Variants in ARMH4 observed in about 807,000 individuals in gnomAD.
The protein encoded by ARMH4 is armadillo-like helical domain-containing protein 4.
In ARMH4, 49 loss-of-function variants were observed where a neutral mutation model predicts 61.9. The observed-to-expected ratio is 0.79, with a 90% CI of 0.63 to 1.00. The LOEUF (loss-of-function observed/expected upper bound fraction) is 1.00, where lower values mean the gene tolerates loss of function less well. ARMH4 is among the 50% of genes least tolerant of loss of function. ARMH4 has a pLI of 0.00. For missense variants in ARMH4, 934 were observed against 930.0 expected, an observed-to-expected ratio of 1.00 and a Z score of -0.06; for synonymous variants, 368 against 341.5, an observed-to-expected ratio of 1.08 and a Z score of -0.85.
At chr14:58,061,673 G>T (rs982149014) in intron 5 of ARMH4, among the ~76,000 whole-genome samples, 2 of 152,284 alleles carry the variant, frequency 1.3e-5, no homozygotes, top group East Asian at 1.9e-4. Flanking sequence ...ATCGTGTGGG[G>T]TTTTTTGCAG....
In ARMH4 at chr14:58,073,625, A is replaced by T. The variant is rs527269166; in HGVS notation, c.2089+23099T>A. On this transcript the variant is annotated intron_variant, in intron 5 of 7. Coordinates refer to ENST00000267485, the MANE Select transcript of ARMH4 (RefSeq NM_001001872.4). ...AAAAAAAATAGTCTTCTAACCTTGCAATCTACTTTTAGACAGACTTTTTTG... is the reference window on the plus strand; with the variant it reads ...AAAAAAAATAGTCTTCTAACCTTGCTATCTACTTTTAGACAGACTTTTTTG... Among the ~76,000 whole-genome samples the T allele has an allele frequency of 2.0e-5, 3 of 152,364 alleles. No individual in the cohort carries two copies. In the South Asian group the frequency reaches 6.2e-4, roughly 32 times the overall value.
chr14:58,137,962 A>G, intron 2 of ARMH4, 28 bp downstream of exon 2: 1 of 1,565,874 alleles, frequency 6.4e-7, no homozygotes, highest in African/African-American at 1.4e-5. Flanking sequence ...ATTAAACCAA[A>G]GTTTGTTTTT....
At chr14:58,035,181 GA>G (rs1317298249) in intron 5 of ARMH4, among the ~76,000 whole-genome samples, 2 of 134,232 alleles carry the variant, frequency 1.5e-5, no homozygotes, top group Non-Finnish European at 3.2e-5. Flanking sequence ...TAAAAGAACA[GA>G]AATTATAACA....
At chr14:58,090,000 T>C (rs928239320) in intron 5 of ARMH4, among the ~76,000 whole-genome samples, 1 of 152,244 alleles carries the variant, frequency 6.6e-6, no homozygotes, top group African/African-American at 2.4e-5. Flanking sequence ...GGTTAAAAGA[T>C]AGATACATGA....
At chr14:58,077,771 G>A (rs1885094632) in intron 5 of ARMH4, among the ~76,000 whole-genome samples, 1 of 152,146 alleles carries the variant, frequency 6.6e-6, no homozygotes, top group African/African-American at 2.4e-5. Flanking sequence ...AACCAAGATT[G>A]GAATCCACAT....
At chr14:58,121,743 T>A in intron 4 of ARMH4, among the ~76,000 whole-genome samples, 1 of 152,174 alleles carries the variant, frequency 6.6e-6, no homozygotes, top group East Asian at 1.9e-4. Context: ...AGGCAACTGA[T>A]AACTGAAATC....
intron 5 of ARMH4, among the ~76,000 whole-genome samples, chr14:58,020,891 A>C (rs1882800046): frequency 6.6e-6 from 1 of 152,154 alleles, no homozygotes; most frequent in African/African-American, 2.4e-5. Flanking sequence ...TAAACTGGAG[A>C]TCTAGGAGAG....
intron 5 of ARMH4, among the ~76,000 whole-genome samples, chr14:58,096,349 G>A (rs1218316166): frequency 2.0e-5 from 3 of 152,144 alleles, no homozygotes; most frequent in Non-Finnish European, 2.9e-5. Flanking sequence ...CTGGTTACAC[G>A]TATCTCCTCC....
intron 5 of ARMH4, among the ~76,000 whole-genome samples, chr14:58,064,757 G>C (rs1208500913): frequency 6.6e-6 from 1 of 152,176 alleles, no homozygotes; most frequent in Non-Finnish European, 1.5e-5. Flanking sequence ...AAATGATATT[G>C]TTGATCAAGC....
chr14:58,053,009 T>A (rs1884197241), intron 5 of ARMH4, among the ~76,000 whole-genome samples: 1 of 152,174 alleles, frequency 6.6e-6, no homozygotes, highest in Non-Finnish European at 1.5e-5. Flanking sequence ...TCCCTCGCTC[T>A]CAAGATCCAG....
intron 1 of ARMH4, among the ~76,000 whole-genome samples, chr14:58,147,976 G>C (rs1887792583): frequency 6.6e-6 from 1 of 152,182 alleles, no homozygotes. Flanking sequence ...CTGGTGCCCA[G>C]TATAAACACC....
At chr14:58,039,549 T>C (rs1458272079) in intron 5 of ARMH4, among the ~76,000 whole-genome samples, 2 of 152,184 alleles carry the variant, frequency 1.3e-5, no homozygotes, top group East Asian at 3.9e-4. Context: ...ATTAACTCTT[T>C]GCCATTTAAA....
chr14:58,044,921 C>T (rs1883876818), intron 5 of ARMH4, among the ~76,000 whole-genome samples: 1 of 152,158 alleles, frequency 6.6e-6, no homozygotes, highest in Non-Finnish European at 1.5e-5. Context: ...GATACCATCT[C>T]ACACCAGTTA....
At chr14:58,085,814 T>C (rs1885358767) in intron 5 of ARMH4, among the ~76,000 whole-genome samples, 2 of 152,186 alleles carry the variant, frequency 1.3e-5, no homozygotes, top group African/African-American at 4.8e-5. Context: ...AAGTTCAAAT[T>C]TACTTTTAGT....
chr14:58,013,629 T>G (rs974868689), intron 5 of ARMH4, among the ~76,000 whole-genome samples: 1 of 152,186 alleles, frequency 6.6e-6, no homozygotes, highest in African/African-American at 2.4e-5. Flanking sequence ...ATTGCATCAC[T>G]TGAACAGCAA....
At chr14:58,091,968 T>C (rs1036510431) in intron 5 of ARMH4, among the ~76,000 whole-genome samples, 14 of 152,198 alleles carry the variant, frequency 9.2e-5, no homozygotes, top group African/African-American at 3.4e-4. Flanking sequence ...TCAGAGGCAA[T>C]GCATATGTAA....
At chr14:58,010,529 A>C (rs1882369735) in intron 6 of ARMH4, among the ~76,000 whole-genome samples, 1 of 152,098 alleles carries the variant, frequency 6.6e-6, no homozygotes, top group Admixed American at 6.6e-5. Flanking sequence ...AATTTTTTTA[A>C]TTAAAATATG....
intron 5 of ARMH4, among the ~76,000 whole-genome samples, chr14:58,024,819 C>T (rs1218508844): frequency 2.6e-5 from 4 of 151,994 alleles, no homozygotes; most frequent in Admixed American, 2.6e-4. Flanking sequence ...GCCTAAAGAA[C>T]GGGAGAGTGA....
chr14:58,123,800 C>T (rs2141310956), intron 4 of ARMH4, among the ~76,000 whole-genome samples: 1 of 152,312 alleles, frequency 6.6e-6, no homozygotes, highest in Non-Finnish European at 1.5e-5. Flanking sequence ...AAGACTTGAG[C>T]CAATTCTCAT....
Sources: gnomAD v4.1 joint callset for allele counts (sites outside exome capture counted in the v4.1 genomes callset) on GRCh38, gnomAD v4.1.1 for gene constraint, MANE v1.5 for transcripts, NCBI Gene and HGNC (gene_info 2026-07-23, HGNC 2026-07-21) for gene names.